The following ROBO2 variants were observed in gnomAD, a reference collection of about 807,000 sequenced individuals.
ROBO2 encodes the protein roundabout guidance receptor 2.
In ROBO2, 53 loss-of-function variants were observed where a neutral mutation model predicts 160.8. The ratio of observed to expected loss-of-function variants is 0.33; its 90% CI spans 0.26 to 0.41. The LOEUF (loss-of-function observed/expected upper bound fraction) is 0.41, where lower values mean the gene tolerates loss of function less well. Ranked by LOEUF, ROBO2 falls within the 10% of genes least tolerant of loss-of-function variation. The pLI, the probability that ROBO2 is intolerant of heterozygous loss-of-function variation, is 1.00. For synonymous variants in ROBO2, 664 were observed against 611.7 expected (o/e 1.09, Z -1.26); for missense variants, 1,577 against 1,722.4 (o/e 0.92, Z 1.49).
At chr3:76,871,337 G>A (rs2072036322) in intron 2 of ROBO2, among the ~76,000 whole-genome samples, 1 of 151,816 alleles carries the variant, frequency 6.6e-6, no homozygotes, top group Non-Finnish European at 1.5e-5. Flanking sequence ...GGCGGATCAC[G>A]AGGTCAGGAG....
chr3:77,124,056 A>T (rs1047816504), intron 2 of ROBO2, among the ~76,000 whole-genome samples: 17 of 151,974 alleles, frequency 1.1e-4, no homozygotes, highest in African/African-American at 3.4e-4. Context: ...CATTTGAAAA[A>T]CTGCTTTCTT....
At chr3:77,510,750 G>A (rs916315419) in intron 5 of ROBO2, among the ~76,000 whole-genome samples, 14 of 151,976 alleles carry the variant, frequency 9.2e-5, no homozygotes, top group African/African-American at 3.1e-4. Flanking sequence ...GCTGAATTTT[G>A]TTTTGGTTTG....
chr3:77,396,865 TA>T (rs1291702976), intron 2 of ROBO2, among the ~76,000 whole-genome samples: 2 of 152,252 alleles, frequency 1.3e-5, no homozygotes, highest in East Asian at 3.9e-4. Context: ...TATGAACCTA[TA>T]AGTAGAACAA....
intron 2 of ROBO2, among the ~76,000 whole-genome samples, chr3:77,247,703 T>C (rs2151421710): frequency 6.6e-6 from 1 of 152,344 alleles, no homozygotes; most frequent in Admixed American, 6.5e-5. Context: ...TGCTCTCTTT[T>C]TGCTTTAGGT....
chr3:76,870,719 T>C (rs1459057357), intron 2 of ROBO2, among the ~76,000 whole-genome samples: 1 of 152,190 alleles, frequency 6.6e-6, no homozygotes, highest in African/African-American at 2.4e-5. Flanking sequence ...TATTCTCCAA[T>C]CACCCACCTT....
intron 2 of ROBO2, among the ~76,000 whole-genome samples, chr3:76,991,605 G>C (rs931836352): frequency 2.0e-5 from 3 of 152,250 alleles, no homozygotes; most frequent in Non-Finnish European, 4.4e-5. Flanking sequence ...ATTACGTTTT[G>C]AAGAGATAAT....
chr3:76,858,309 G>A (rs887390936), intron 2 of ROBO2, among the ~76,000 whole-genome samples: 3 of 152,090 alleles, frequency 2.0e-5, no homozygotes, highest in African/African-American at 4.8e-5. Context: ...GCCTTTCTCT[G>A]TCACCCAGGC....
At chr3:76,723,211 A>G (rs540153682) in intron 2 of ROBO2, among the ~76,000 whole-genome samples, 2 of 152,284 alleles carry the variant, frequency 1.3e-5, no homozygotes, top group Admixed American at 1.3e-4. Context: ...GTATACATTC[A>G]TATCACATCA....
In ROBO2 at chr3:77,339,483, C is replaced by T. The variant is rs548834403; in HGVS notation, c.389-137931C>T. On this transcript the variant is annotated intron_variant, in intron 2 of 25. Coordinates refer to ENST00000461745, the Ensembl canonical transcript of ROBO2. Reference sequence around the variant, plus strand: ...TTTGAAATACTGTTGATGTGCTGAACAGGAAATTTCGATGCAACTTGCATC... The same window carrying T: ...TTTGAAATACTGTTGATGTGCTGAATAGGAAATTTCGATGCAACTTGCATC... Among the ~76,000 whole-genome samples, 24 of 152,194 alleles carry T rather than the reference C, an allele frequency of 1.6e-4. No homozygotes were observed. The South Asian group carries it at 5.0e-3, about 32-fold the overall frequency.
At chr3:76,155,902 C>A (rs2072387782) in intron 2 of ROBO2, among the ~76,000 whole-genome samples, 1 of 152,078 alleles carries the variant, frequency 6.6e-6, no homozygotes, top group South Asian at 2.1e-4. Flanking sequence ...TTTCTTCAAC[C>A]CCTTTGTCTG....
intron 2 of ROBO2, among the ~76,000 whole-genome samples, chr3:77,215,022 T>A (rs1049699409): frequency 5.9e-5 from 9 of 152,180 alleles, no homozygotes; most frequent in African/African-American, 1.9e-4. Flanking sequence ...ATTTTTTCCT[T>A]CATTTCAACT....
intron 2 of ROBO2, among the ~76,000 whole-genome samples, chr3:77,390,652 G>A (rs2074628637): frequency 1.3e-5 from 2 of 152,034 alleles, no homozygotes; most frequent in Non-Finnish European, 2.9e-5. Context: ...TTTATTAGCA[G>A]CGTGATAACA....
intron 2 of ROBO2, among the ~76,000 whole-genome samples, chr3:76,720,563 T>A (rs547435907): frequency 6.6e-6 from 1 of 152,334 alleles, no homozygotes; most frequent in South Asian, 2.1e-4. Context: ...CAGATTTACA[T>A]ACTTTGCAAG....
intron 2 of ROBO2, among the ~76,000 whole-genome samples, chr3:76,853,373 C>G (rs1189429612): frequency 6.6e-6 from 1 of 152,018 alleles, no homozygotes; most frequent in Non-Finnish European, 1.5e-5. Context: ...TATTCTAAGA[C>G]TTGTTCTAAG....
At chr3:77,624,596 C>A (rs993295629) in intron 23 of ROBO2, among the ~76,000 whole-genome samples, 1 of 152,138 alleles carries the variant, frequency 6.6e-6, no homozygotes, top group African/African-American at 2.4e-5. Flanking sequence ...AGTTTAATGG[C>A]GCTGAATGAG....
chr3:76,981,847 G>A (rs541765169), intron 2 of ROBO2, among the ~76,000 whole-genome samples: 1 of 152,218 alleles, frequency 6.6e-6, no homozygotes, highest in East Asian at 1.9e-4. Context: ...AAGAGAGAGA[G>A]CGAGAGAGTG....
chr3:77,514,138 TATATA>T (rs1341352706), intron 5 of ROBO2, among the ~76,000 whole-genome samples: 2 of 151,726 alleles, frequency 1.3e-5, no homozygotes, highest in Non-Finnish European at 1.5e-5. Context: ...GTGTTGATCA[TATATA>T]ATATAATATT....
chr3:77,646,175 T>C, exon 26 of ROBO2: 1 of 656,008 alleles, frequency 1.5e-6, no homozygotes, highest in South Asian at 2.8e-5. Context: ...GAACTGTAAA[T>C]GCAATGTAAA....
intron 2 of ROBO2, among the ~76,000 whole-genome samples, chr3:75,958,502 A>T (rs868444104): frequency 2.6e-5 from 4 of 151,780 alleles, no homozygotes; most frequent in Admixed American, 6.6e-5. Flanking sequence ...GTAAGAAAAA[A>T]TAATAGGGAG....
Sources: allele counts gnomAD v4.1 joint callset (sites outside exome capture counted in the v4.1 genomes callset), GRCh38; gene constraint gnomAD v4.1.1; transcripts MANE v1.5; gene names NCBI Gene and HGNC (gene_info 2026-07-23, HGNC 2026-07-21).